The following PTPRT variants were observed in gnomAD, a reference collection of about 807,000 sequenced individuals.
PTPRT encodes the protein receptor-type tyrosine-protein phosphatase T.
A neutral mutation model predicts 176.8 loss-of-function variants in PTPRT; 56 were observed. The ratio of observed to expected loss-of-function variants is 0.32; its 90% CI spans 0.26 to 0.40. The LOEUF (loss-of-function observed/expected upper bound fraction) is 0.40, where lower values mean the gene tolerates loss of function less well. Among genes scored for constraint, PTPRT ranks in the 10% least tolerant of loss-of-function variants. PTPRT has a pLI of 1.00. For synonymous variants in PTPRT, 783 were observed against 739.0 expected, an observed-to-expected ratio of 1.06 and a Z score of -0.96; for missense variants, 1,540 against 1,908.2, an observed-to-expected ratio of 0.81 and a Z score of 3.60.
intron 1 of PTPRT, among the ~76,000 whole-genome samples, chr20:43,110,350 CT>C: frequency 6.6e-6 from 1 of 152,324 alleles, no homozygotes; most frequent in Middle Eastern, 3.4e-3. Flanking sequence ...AGAATAGGCC[CT>C]CCTCCAACAC....
intron 12 of PTPRT, among the ~76,000 whole-genome samples, chr20:42,289,968 T>A (rs1392930325): frequency 6.6e-6 from 1 of 152,060 alleles, no homozygotes; most frequent in Non-Finnish European, 1.5e-5. Context: ...TTGGTCAGAA[T>A]TAGGTACAGA....
rs1293875597 is a variant in PTPRT, at chr20:42,756,617, G to A, written c.704C>T (p.Thr235Met). 4 of 1,595,368 alleles carry A rather than the reference G, an allele frequency of 2.5e-6. No individual in the cohort carries two copies. Among genetic ancestry groups the A allele is most frequent in the South Asian group, 1.1e-5 (1 of 89,076 alleles). Residue 235 changes from threonine to methionine, a missense_variant, in exon 6 of 31, where the codon ACG (threonine) becomes ATG (methionine). This residue lies in a region of PTPRT where 273 missense variants were observed against 432.1 expected (regional missense o/e 0.63). Coordinates refer to ENST00000373187, the MANE Select transcript of PTPRT (RefSeq NM_007050.6). Reference protein sequence around the residue: ...LWLQQWNGRDTALMVTRVVNH... With the variant: ...LWLQQWNGRDMALMVTRVVNH... ...GACCACACGGGTGACCATCAGGGCC[G>A]TGTCCCTGCCATTCCATTGCTGCAG...
chr20:42,535,790 G>A (rs562794720), intron 7 of PTPRT, among the ~76,000 whole-genome samples: 2 of 152,214 alleles, frequency 1.3e-5, no homozygotes, highest in Admixed American at 1.3e-4. Context: ...CTGTGGCAGG[G>A]CAAAGTTTGA....
At chr20:42,164,778 C>T (rs539057000) in intron 16 of PTPRT, among the ~76,000 whole-genome samples, 7 of 152,264 alleles carry the variant, frequency 4.6e-5, no homozygotes, top group South Asian at 4.1e-4. Context: ...AACTAATGTG[C>T]GATTCTGCTG....
rs1186995494 is a variant in PTPRT at position 43,104,693 on chromosome 20, T to C, written c.88+84953A>G. ...GCAGACTTCTAAAACAGTTGCACAG[T>C]GTCAGTGAGAAGACTAACATGGCAG... On this transcript the variant is annotated intron_variant, in intron 1 of 30. Transcript: ENST00000373187. Among the ~76,000 whole-genome samples the C allele has an allele frequency of 2.0e-5, 3 of 152,178 alleles. No homozygotes were observed. In the East Asian group the frequency reaches 5.8e-4, roughly 29 times the overall value.
chr20:42,107,383 C>G (rs923007671), intron 23 of PTPRT, among the ~76,000 whole-genome samples: 58 of 152,342 alleles, frequency 3.8e-4, no homozygotes, highest in Non-Finnish European at 7.3e-4. Context: ...AGGCCGGCAT[C>G]TGGCTCCACC....
intron 2 of PTPRT, among the ~76,000 whole-genome samples, chr20:42,814,029 G>A (rs990821052): frequency 6.6e-6 from 1 of 152,082 alleles, no homozygotes; most frequent in Admixed American, 6.5e-5. Flanking sequence ...ATGAGAGAAA[G>A]GATAATGATA....
chr20:42,689,421 G>A (rs1453544997), intron 6 of PTPRT, among the ~76,000 whole-genome samples: 1 of 152,110 alleles, frequency 6.6e-6, no homozygotes, highest in African/African-American at 2.4e-5. Context: ...CCATCTCACT[G>A]AGAGCCACCT....
chr20:42,085,994 C>T lies in PTPRT; in HGVS notation c.3847-141G>A. On this transcript the variant is annotated intron_variant, in intron 27 of 30. Coordinates refer to ENST00000373187, the MANE Select transcript of PTPRT (RefSeq NM_007050.6). Reference sequence around the variant, plus strand: ...TGGAGCATCACTCTTGTTGCCCAGCCTGGAGTGCATTGGCACGATTTTGGC... The same window carrying T: ...TGGAGCATCACTCTTGTTGCCCAGCTTGGAGTGCATTGGCACGATTTTGGC... 5 of 1,108,466 alleles carry T rather than the reference C, an allele frequency of 4.5e-6. No individual in the cohort carries two copies. In the South Asian group the frequency reaches 6.9e-5, roughly 15 times the overall value. 68.7% of individuals were successfully genotyped at this position (1,108,466 alleles called of 1,614,324 possible).
At chr20:42,927,747 G>T (rs1467825852) in intron 1 of PTPRT, among the ~76,000 whole-genome samples, 1 of 152,146 alleles carries the variant, frequency 6.6e-6, no homozygotes, top group Non-Finnish European at 1.5e-5. Flanking sequence ...CACCTCCAAA[G>T]GGCTCTGTTT....
intron 11 of PTPRT, among the ~76,000 whole-genome samples, chr20:42,333,967 C>T (rs2058004980): frequency 1.3e-5 from 2 of 152,214 alleles, no homozygotes; most frequent in South Asian, 4.1e-4. Flanking sequence ...AGGCATAAGC[C>T]ACCATGCCCG....
chr20:42,426,037 T>G (rs1234919549), intron 9 of PTPRT, among the ~76,000 whole-genome samples: 6 of 152,114 alleles, frequency 3.9e-5, no homozygotes, highest in Non-Finnish European at 8.8e-5. Flanking sequence ...TAAAGAGCTG[T>G]ATGGTTCGTG....
At chr20:42,726,683 G>A (rs1009509759) in intron 6 of PTPRT, among the ~76,000 whole-genome samples, 3 of 152,198 alleles carry the variant, frequency 2.0e-5, no homozygotes, top group East Asian at 1.9e-4. Context: ...GAGAAGACAC[G>A]AGCTGGTGTG....
chr20:42,418,089 C>A (rs2059083192), intron 9 of PTPRT, among the ~76,000 whole-genome samples: 1 of 152,044 alleles, frequency 6.6e-6, no homozygotes, highest in Admixed American at 6.6e-5. Flanking sequence ...GTCAAGTGAG[C>A]AATTGAAGTA....
At chr20:42,775,599 G>C (rs2077124126) in intron 4 of PTPRT, among the ~76,000 whole-genome samples, 2 of 148,890 alleles carry the variant, frequency 1.3e-5, no homozygotes, top group South Asian at 4.3e-4. Flanking sequence ...TAGATGAGAG[G>C]CTTCCGTTTG....
chr20:43,119,408 G>A (rs1292442278), intron 1 of PTPRT, among the ~76,000 whole-genome samples: 1 of 151,888 alleles, frequency 6.6e-6, no homozygotes, highest in Non-Finnish European at 1.5e-5. Context: ...TTCTTCTATT[G>A]TTCTATTTTA....
At chr20:42,806,250 C>T (rs1222013912) in intron 2 of PTPRT, among the ~76,000 whole-genome samples, 2 of 152,008 alleles carry the variant, frequency 1.3e-5, no homozygotes, top group Non-Finnish European at 2.9e-5. Context: ...CTTTGGGAGT[C>T]CAAGGCAGGT....
At chr20:42,680,199 A>G (rs1309365925) in intron 6 of PTPRT, among the ~76,000 whole-genome samples, 1 of 152,208 alleles carries the variant, frequency 6.6e-6, no homozygotes, top group Non-Finnish European at 1.5e-5. Context: ...CTAGAAACAG[A>G]ATAATTGCTA....
intron 1 of PTPRT, among the ~76,000 whole-genome samples, chr20:43,080,084 G>A (rs77659202): frequency 0.013 from 1,953 of 152,238 alleles, 54 homozygotes; most frequent in African/African-American, 0.044. Flanking sequence ...CTACCTCCAT[G>A]GGGCCCCTCA....
Sources: gnomAD v4.1 joint callset for allele counts (sites outside exome capture counted in the v4.1 genomes callset) on GRCh38, gnomAD v4.1.1 for gene constraint, gnomAD v4.1.1 regional missense constraint, MANE v1.5 for transcripts, NCBI Gene and HGNC (gene_info 2026-07-23, HGNC 2026-07-21) for gene names.